Variants in CACNA1C observed in about 807,000 individuals in gnomAD.
CACNA1C encodes voltage-dependent L-type calcium channel subunit alpha-1C.
A neutral mutation model predicts 229.0 loss-of-function variants in CACNA1C; 30 were observed. That is an observed-to-expected ratio of 0.13 (90% CI 0.10 to 0.18). The LOEUF is 0.18. CACNA1C is among the 10% of genes least tolerant of loss of function. The pLI, the probability that CACNA1C is intolerant of heterozygous loss-of-function variation, is 1.00. For synonymous variants in CACNA1C, 1,114 were observed against 1,132.5 expected, an observed-to-expected ratio of 0.98 and a Z score of 0.33; for missense variants, 1,658 against 2,845.0, an observed-to-expected ratio of 0.58 and a Z score of 9.49.
chr12:2,541,235 A>G (rs999513310), intron 9 of CACNA1C, among the ~76,000 whole-genome samples: 3 of 152,172 alleles, frequency 2.0e-5, no homozygotes, highest in Non-Finnish European at 4.4e-5. Context: ...GAGGGGATAT[A>G]ACTCAACTCA....
chr12:2,582,277 T>C (rs1290850723), intron 14 of CACNA1C, among the ~76,000 whole-genome samples: 1 of 152,168 alleles, frequency 6.6e-6, no homozygotes, highest in Non-Finnish European at 1.5e-5. Flanking sequence ...CTACCATGCT[T>C]GTCTCTTGAA....
chr12:2,566,476 C>T lies in CACNA1C; in HGVS notation c.1563C>T (p.Val521=), dbSNP rs1431830347. The change falls in exon 12 of 47, where the codon GTC becomes GTT. Residue 521 remains valine (V), a synonymous_variant. Transcript: ENST00000399655. This position sits in a 1 kb window ranked among gnomAD's most constrained non-coding sequence, Gnocchi z 4.0. The part of the protein sequence containing the change: ...RFCRRKCRAA[V]KSNVFYWLVI... Reference sequence around the variant, plus strand: ...GCAGAAGGAAGTGCCGCGCCGCAGTCAAGTCTAATGTCTTCTACTGGCTGG... The same window carrying T: ...GCAGAAGGAAGTGCCGCGCCGCAGTTAAGTCTAATGTCTTCTACTGGCTGG... The T allele has an allele frequency of 6.3e-7, 1 of 1,596,500 alleles. No homozygotes were observed. The highest frequency in any genetic ancestry group is 1.7e-5 in the Admixed American group (1 of 57,798).
In CACNA1C at chr12:2,364,330, T is replaced by C. The variant is rs552480203; in HGVS notation, c.478-84646T>C. On this transcript the variant is annotated intron_variant, in intron 3 of 46. Transcript: ENST00000399655. ...GAGAGTTGGTTTTCACTTTAAGACC[T>C]GGCAGTGGCAGTAAAAGTGCACACC... Among the ~76,000 whole-genome samples the C allele has an allele frequency of 2.0e-5, 3 of 152,318 alleles. No individual in the cohort carries two copies. The East Asian group carries it at 5.8e-4, about 29-fold the overall frequency.
intron 3 of CACNA1C, among the ~76,000 whole-genome samples, chr12:2,298,848 C>A (rs1184709899): frequency 6.6e-6 from 1 of 152,202 alleles, no homozygotes; most frequent in African/African-American, 2.4e-5. Flanking sequence ...TCCCAGCCCA[C>A]CCTTCTGTGC....
intron 1 of CACNA1C, among the ~76,000 whole-genome samples, chr12:2,003,220 T>C (rs2042598066): frequency 6.6e-6 from 1 of 152,216 alleles, no homozygotes; most frequent in Non-Finnish European, 1.5e-5. Flanking sequence ...ATACTGCAGA[T>C]AAGTAGGCTT....
chr12:2,203,530 C>A (rs572833723), intron 3 of CACNA1C, among the ~76,000 whole-genome samples: 269 of 152,284 alleles, frequency 1.8e-3, no homozygotes, highest in African/African-American at 6.4e-3. Context: ...CTGCTCTGGG[C>A]CTCTGTTACA....
chr12:2,336,639 C>T (rs1440966610), intron 3 of CACNA1C, among the ~76,000 whole-genome samples: 3 of 152,160 alleles, frequency 2.0e-5, no homozygotes, highest in South Asian at 2.1e-4. Context: ...ATTGCCCTTC[C>T]GGAAGGCTCT....
chr12:1,972,214 A>G (rs2032590725), intron 1 of CACNA1C, among the ~76,000 whole-genome samples: 1 of 152,256 alleles, frequency 6.6e-6, no homozygotes, highest in Non-Finnish European at 1.5e-5. Flanking sequence ...CCAAAATTTA[A>G]AATTCCTTCA....
intron 9 of CACNA1C, among the ~76,000 whole-genome samples, chr12:2,548,930 G>A (rs1335299406): frequency 1.3e-5 from 2 of 152,090 alleles, no homozygotes; most frequent in African/African-American, 4.8e-5. Context: ...AGCAGAACCA[G>A]GACCAAGGAT....
chr12:2,044,965 C>A (rs1171048023), intron 1 of CACNA1C, among the ~76,000 whole-genome samples: 1 of 152,180 alleles, frequency 6.6e-6, no homozygotes, highest in African/African-American at 2.4e-5. Flanking sequence ...AATGCAAATA[C>A]AAACTGAGCC....
In CACNA1C at chr12:2,181,216, C is replaced by T. The variant is rs1191323446; in HGVS notation, c.477+60786C>T. Among the ~76,000 whole-genome samples the T allele has an allele frequency of 6.6e-6, 1 of 152,182 alleles. No individual in the cohort carries two copies. Among genetic ancestry groups the T allele is most frequent in the East Asian group, 1.9e-4 (1 of 5,196 alleles). ...TACCTCTGTTATTTCCTGTAGCCAACTGACATCTTTGCACCTCTGTTTCCT... is the reference window on the plus strand; with the variant it reads ...TACCTCTGTTATTTCCTGTAGCCAATTGACATCTTTGCACCTCTGTTTCCT... On this transcript the variant is annotated intron_variant, in intron 3 of 46. Transcript: ENST00000399655. The surrounding 1 kb of genome is among the most constrained non-coding windows in gnomAD (Gnocchi z 4.0).
chr12:2,478,060 G>T (rs2099639863), intron 5 of CACNA1C, among the ~76,000 whole-genome samples: 1 of 152,142 alleles, frequency 6.6e-6, no homozygotes, highest in South Asian at 2.1e-4. Flanking sequence ...AATTTTCTGA[G>T]AGAGAGTTTA....
chr12:2,422,729 G>T (rs1432638519), intron 3 of CACNA1C, among the ~76,000 whole-genome samples: 1 of 152,194 alleles, frequency 6.6e-6, no homozygotes, highest in South Asian at 2.1e-4. Context: ...ATGTGTCAGC[G>T]CTGACTGGCA....
At position 2,693,663 on chromosome 12, in the gene CACNA1C, C is replaced by G. The variant is rs1042367348; in HGVS notation, c.*2464C>G. On this transcript the variant is annotated 3_prime_UTR_variant, in exon 47 of 47. Coordinates refer to ENST00000399655, the MANE Select transcript of CACNA1C (RefSeq NM_000719.7). ...CCGGAGCTCACAGTGGGGGTGGGAA[C>G]AGATTTTTGTGGGGGCATCTCTAAT... The G allele has an allele frequency of 6.6e-6, 1 of 152,210 alleles. No homozygotes were observed. Among genetic ancestry groups the G allele is most frequent in the African/African-American group, 2.4e-5 (1 of 41,416 alleles). 9.4% of individuals were successfully genotyped at this position (152,210 alleles called of 1,614,324 possible). A position where few individuals can be genotyped will look rare whatever the true frequency, so the allele number is the denominator to read the frequency against.
chr12:2,556,469 G>A (rs2044345146), intron 10 of CACNA1C, among the ~76,000 whole-genome samples: 1 of 152,202 alleles, frequency 6.6e-6, no homozygotes, highest in South Asian at 2.1e-4. Flanking sequence ...GGCTGTTGTG[G>A]CCCCTCCATT....
intron 1 of CACNA1C, among the ~76,000 whole-genome samples, chr12:2,106,824 T>A (rs1186960984): frequency 9.2e-6 from 1 of 108,882 alleles, no homozygotes; most frequent in Non-Finnish European, 1.9e-5. Context: ...GGTTTCCACC[T>A]CAGCTGGGCG....
chr12:2,047,773 T>G (rs1171160537), intron 1 of CACNA1C, among the ~76,000 whole-genome samples: 1 of 152,166 alleles, frequency 6.6e-6, no homozygotes, highest in Non-Finnish European at 1.5e-5. Flanking sequence ...GATTAGACCT[T>G]ATCCAGTTGT....
At chr12:2,017,660 G>GTTTT (rs35525403) in intron 1 of CACNA1C, among the ~76,000 whole-genome samples, 6 of 144,542 alleles carry the variant, frequency 4.2e-5, no homozygotes, top group East Asian at 4.0e-4. Context: ...TCTTTTTTCT[G>GTTTT]TTTTTTTTTT....
At chr12:2,656,055 C>A (rs1488232328) in intron 34 of CACNA1C, among the ~76,000 whole-genome samples, 1 of 152,196 alleles carries the variant, frequency 6.6e-6, no homozygotes, top group African/African-American at 2.4e-5. Flanking sequence ...TGCCCACTCT[C>A]ACCACTTCTA....
Sources: allele counts gnomAD v4.1 joint callset (sites outside exome capture counted in the v4.1 genomes callset), GRCh38; gene constraint gnomAD v4.1.1; non-coding constraint Gnocchi (gnomAD v3.1); transcripts MANE v1.5; gene names NCBI Gene and HGNC (gene_info 2026-07-23, HGNC 2026-07-21).